Variants in BLM observed in about 807,000 individuals in gnomAD.
BLM encodes BLM RecQ like helicase.
A neutral mutation model predicts 135.3 loss-of-function variants in BLM; 95 were observed. The observed-to-expected ratio is 0.70, with a 90% CI of 0.59 to 0.83. The LOEUF is 0.83. Ranked by LOEUF, BLM falls within the 40% of genes least tolerant of loss-of-function variation. The pLI, the probability that BLM is intolerant of heterozygous loss-of-function variation, is 0.00. For missense variants in BLM, 1,518 were observed against 1,663.9 expected (o/e 0.91, Z 1.53); for synonymous variants, 520 against 589.2 (o/e 0.88, Z 1.70).
intron 16 of BLM, among the ~76,000 whole-genome samples, chr15:90,796,869 G>A (rs531185483): frequency 1.8e-4 from 27 of 152,310 alleles, no homozygotes; most frequent in African/African-American, 6.3e-4. Flanking sequence ...GCTGAGTTAG[G>A]AGGACATCTG....
Position 90,736,803 on chromosome 15 carries a change from A to C in BLM, c.-4-10586A>C, listed in dbSNP as rs79459555. ...GTGTGCTATTTTTTATGTAAGAAAG[A>C]AGGGAAAATATGAGACTCTAATGTC... is the stretch of plus-strand genomic sequence containing the variant. On this transcript the variant is annotated intron_variant, in intron 1 of 21. Transcript: ENST00000355112. Among the ~76,000 whole-genome samples the C allele has an allele frequency of 4.9e-3, 745 of 152,318 alleles. 24 individuals are homozygous for C. The East Asian group carries it at 0.1, about 20-fold the overall frequency.
intron 1 of BLM, among the ~76,000 whole-genome samples, chr15:90,727,707 G>A (rs1417845629): frequency 7.9e-5 from 12 of 152,064 alleles, no homozygotes; most frequent in Admixed American, 7.9e-4. Flanking sequence ...GGGTTAGAGA[G>A]CATTGGAAGC....
intron 5 of BLM, among the ~76,000 whole-genome samples, chr15:90,755,974 G>T (rs898884083): frequency 6.6e-6 from 1 of 151,992 alleles, no homozygotes; most frequent in Non-Finnish European, 1.5e-5. Context: ...TTTTTTTGTG[G>T]TTTATTTTGG....
In BLM at chr15:90,760,633, T is replaced by C; in HGVS notation, c.1260T>C (p.Asp420=). 6.2e-7 allele frequency: 1 copy of C among 1,612,630 alleles called. No homozygotes were observed. Among genetic ancestry groups the C allele is most frequent in the South Asian group, 1.1e-5 (1 of 90,946 alleles). ...CGGAAGTAGATTTTAATAAAAGTGA[T>C]GCCAGTCTTCTTGGCTCATTGTGGA... ...LLTEVDFNKS[D]ASLLGSLWRY... Residue 420 remains aspartate (D), a synonymous_variant, in exon 7 of 22, where the codon GAT becomes GAC. Coordinates refer to ENST00000355112, the MANE Select transcript of BLM (RefSeq NM_000057.4).
chr15:90,738,407 C>G (rs529205440), intron 1 of BLM, among the ~76,000 whole-genome samples: 1 of 152,212 alleles, frequency 6.6e-6, no homozygotes, highest in Non-Finnish European at 1.5e-5. Context: ...AACCCTGGCT[C>G]TACAAAAAAT....
chr15:90,721,237 T>C (rs999532594), intron 1 of BLM, among the ~76,000 whole-genome samples: 2 of 152,208 alleles, frequency 1.3e-5, no homozygotes, highest in South Asian at 2.1e-4. Context: ...GTTGTGTTTA[T>C]ATTCCCTGAA....
chr15:90,717,947 G>C (rs1378799793), intron 1 of BLM, among the ~76,000 whole-genome samples: 1 of 152,182 alleles, frequency 6.6e-6, no homozygotes, highest in Non-Finnish European at 1.5e-5. Flanking sequence ...TCCCAGCAAA[G>C]CGAAGTGCTT....
chr15:90,783,213 T>G (rs1175707769), intron 13 of BLM, among the ~76,000 whole-genome samples: 1 of 152,254 alleles, frequency 6.6e-6, no homozygotes, highest in Non-Finnish European at 1.5e-5. Context: ...TATCAGTGTT[T>G]GAATTATACA....
intron 21 of BLM, among the ~76,000 whole-genome samples, chr15:90,812,879 T>C (rs946874717): frequency 1.3e-5 from 2 of 152,230 alleles, no homozygotes; most frequent in African/African-American, 4.8e-5. Context: ...TTTTGTGGTT[T>C]TGAGTGCGCA....
intron 17 of BLM, among the ~76,000 whole-genome samples, chr15:90,800,021 T>A (rs1158069250): frequency 1.3e-5 from 2 of 152,208 alleles, no homozygotes; most frequent in Non-Finnish European, 2.9e-5. Context: ...GTCTTATCTC[T>A]GTTTAAAAGG....
chr15:90,723,526 A>C (rs1316800095), intron 1 of BLM, among the ~76,000 whole-genome samples: 1 of 151,890 alleles, frequency 6.6e-6, no homozygotes, highest in Non-Finnish European at 1.5e-5. Context: ...GATGTCATGC[A>C]CCTGTAGTTC....
At chr15:90,774,178 G>T (rs1314840783) in intron 12 of BLM, among the ~76,000 whole-genome samples, 1 of 148,530 alleles carries the variant, frequency 6.7e-6, no homozygotes, top group Admixed American at 6.8e-5. Flanking sequence ...GGGTTCAAGC[G>T]ATTCTCCTGC....
At position 90,718,653 on chromosome 15, in the gene BLM, G is replaced by T. The variant is rs1894675397; in HGVS notation, c.-5+1213G>T. Among the ~76,000 whole-genome samples, 3 of 152,204 alleles carry T rather than the reference G, an allele frequency of 2.0e-5. No homozygotes were observed. The South Asian group carries it at 6.2e-4, about 31-fold the overall frequency. On this transcript the variant is annotated intron_variant, in intron 1 of 21. Transcript: ENST00000355112. ...AGCTTATAATCTACTGGGAAGAAAT[G>T]AAATTTCTGGGTCCTGTGTCACTTT... is the stretch of plus-strand genomic sequence containing the variant.
At chr15:90,788,485 T>G (rs1896813710) in intron 14 of BLM, among the ~76,000 whole-genome samples, 3 of 150,562 alleles carry the variant, frequency 2.0e-5, no homozygotes, top group East Asian at 1.9e-4. Flanking sequence ...TTTTTTTTTT[T>G]TTTTTTTTTG....
intron 12 of BLM, among the ~76,000 whole-genome samples, chr15:90,779,282 TA>T (rs1231174576): frequency 6.6e-6 from 1 of 151,298 alleles, no homozygotes; most frequent in Admixed American, 6.6e-5. Flanking sequence ...AATTTTTTCA[TA>T]TCCTCACCAA....
In BLM at chr15:90,784,946, C is replaced by T. The variant is rs1488182321; in HGVS notation, c.2688C>T (p.Leu896=). Residue 896 remains leucine, a synonymous_variant, in exon 14 of 22, where the codon CTC becomes CTT. Transcript: ENST00000355112. ...ATGATTCAGGGATAATTTACTGCCT[C>T]TCCAGGCGAGAATGTGACACCATGG... The part of the protein sequence containing the change: ...HPYDSGIIYC[L]SRRECDTMAD... 1.2e-6 allele frequency: 2 copies of T among 1,614,024 alleles called. No individual in the cohort carries two copies. The highest frequency in any genetic ancestry group is 4.5e-5 in the East Asian group (2 of 44,886).
rs1430197218 is a variant in BLM, at chr15:90,814,610, C to A, written c.4077-492C>A. 2.0e-5 allele frequency among the ~76,000 whole-genome samples: 3 copies of A among 152,206 alleles called. No homozygotes were observed. In the East Asian group the frequency reaches 5.8e-4, roughly 29 times the overall value. ...CAGGAAGACGCCCAGCTTTGCCACT[C>A]CTGGCCACCCAGCTCCACCCCATGC... On this transcript the variant is annotated intron_variant, in intron 21 of 21. Transcript: ENST00000355112.
At chr15:90,791,132 C>A (rs1253632857) in intron 15 of BLM, among the ~76,000 whole-genome samples, 1 of 152,142 alleles carries the variant, frequency 6.6e-6, no homozygotes, top group East Asian at 1.9e-4. Flanking sequence ...TCCTTTGTAT[C>A]CTTTCAGACC....
Position 90,803,542 on chromosome 15 carries a change from A to T in BLM, c.3380A>T (p.Gln1127Leu). 1 of 1,613,824 alleles carries T rather than the reference A, an allele frequency of 6.2e-7. No individual in the cohort carries two copies. Among genetic ancestry groups the T allele is most frequent in the Non-Finnish European group, 8.5e-7 (1 of 1,179,716 alleles). ...IFLGSKSAKI[Q>L]SGIFGKGSAY... Reference sequence around the variant, plus strand: ...TCAGGGAGTAAGAGTGCAAAAATCCAGTCAGGTATATTTGGAAAAGGATCT... The same window carrying T: ...TCAGGGAGTAAGAGTGCAAAAATCCTGTCAGGTATATTTGGAAAAGGATCT... Residue 1127 changes from glutamine to leucine, a missense_variant, in exon 18 of 22, where the codon CAG (glutamine) becomes CTG (leucine). Gln to Leu is a moderately radical substitution (Grantham distance 113). Around this residue, in one of 5 missense-constraint regions of BLM, gnomAD observed 626 missense variants for 681.1 expected, o/e 0.92. Coordinates refer to ENST00000355112, the MANE Select transcript of BLM (RefSeq NM_000057.4).
Sources: gnomAD v4.1 joint callset for allele counts (sites outside exome capture counted in the v4.1 genomes callset) on GRCh38, gnomAD v4.1.1 for gene constraint, gnomAD v4.1.1 regional missense constraint, MANE v1.5 for transcripts, NCBI Gene and HGNC (gene_info 2026-07-23, HGNC 2026-07-21) for gene names.